Variants in PCLO observed in about 807,000 individuals in gnomAD.
PCLO encodes the protein piccolo presynaptic cytomatrix protein.
PCLO carries 82 observed loss-of-function variants against 427.5 expected under a neutral mutation model. That is an observed-to-expected ratio of 0.19 (90% CI 0.16 to 0.23). The LOEUF is 0.23. PCLO is among the 10% of genes least tolerant of loss of function. The pLI is 1.00. For missense variants in PCLO, 6,239 were observed against 6,115.9 expected (o/e 1.02, Z -0.67); for synonymous variants, 2,357 against 2,155.4 (o/e 1.09, Z -2.59).
chr7:83,004,713 G>T (rs1294190442), intron 3 of PCLO, among the ~76,000 whole-genome samples: 2 of 151,142 alleles, frequency 1.3e-5, no homozygotes, highest in African/African-American at 4.8e-5. Flanking sequence ...CCATAGCAAA[G>T]GAAACAATAA....
intron 3 of PCLO, among the ~76,000 whole-genome samples, chr7:83,080,419 G>A (rs982433783): frequency 3.9e-5 from 6 of 152,010 alleles, no homozygotes; most frequent in African/African-American, 9.7e-5. Context: ...CCATTCTGTC[G>A]TGAGATGGTA....
chr7:82,916,085 T>G lies in PCLO; in HGVS notation c.11901A>C (p.Thr3967=), dbSNP rs755184345. 2 of 1,613,568 alleles carry G rather than the reference T, an allele frequency of 1.2e-6. No individual in the cohort carries two copies. Among genetic ancestry groups the G allele is most frequent in the South Asian group, 2.2e-5 (2 of 91,078 alleles). The change falls in exon 7 of 25, where the codon ACA becomes ACC. Residue 3967 remains threonine (T), a synonymous_variant. Transcript: ENST00000333891. ...AGGTTATCTTGGGCTCCAAATATAATGTAGTTTGCCGTGGCTTCTGTTGTA... is the reference window on the plus strand; with the variant it reads ...AGGTTATCTTGGGCTCCAAATATAAGGTAGTTTGCCGTGGCTTCTGTTGTA... ...MVIQQKPRQT[T]LYLEPKITSN...
chr7:83,162,509 C>T lies in PCLO; in HGVS notation c.84G>A (p.Gly28=). Residue 28 remains glycine (G), a synonymous_variant, in exon 1 of 25, where the codon GGG becomes GGA. Transcript: ENST00000333891. ...TCGCGGTGTGAGAGGGGCTCCCCGC[C>T]CCGCTAGCTCCTCCTCCAGCCGCTG... ...AAAAAGGGAS[G]AGSPSHTAIP... is the part of the protein sequence containing the mutation. The T allele has an allele frequency of 1.3e-6, 2 of 1,562,386 alleles. No individual in the cohort carries two copies. Among genetic ancestry groups the T allele is most frequent in the Non-Finnish European group, 1.7e-6 (2 of 1,154,182 alleles).
intron 6 of PCLO, among the ~76,000 whole-genome samples, chr7:82,929,564 A>G (rs905677201): frequency 2.0e-5 from 3 of 152,200 alleles, no homozygotes; most frequent in Non-Finnish European, 4.4e-5. Flanking sequence ...TATCTGATAC[A>G]TAAGATCAAT....
At position 83,058,960 on chromosome 7, in the gene PCLO, C is replaced by T. The variant is rs577661630; in HGVS notation, c.3300+75290G>A. Among the ~76,000 whole-genome samples, 27 of 152,066 alleles carry T rather than the reference C, an allele frequency of 1.8e-4. No homozygotes were observed. The South Asian group carries it at 5.2e-3, about 29-fold the overall frequency. ...CCTTAATAAATGGCAGTCCTCTCCC[C>T]CCTCCTTAAAAGGAATGCAAACTAT... is the stretch of plus-strand genomic sequence containing the variant. On this transcript the variant is annotated intron_variant, in intron 3 of 24. Transcript: ENST00000333891.
At chr7:83,057,354 T>A (rs1168947734) in intron 3 of PCLO, among the ~76,000 whole-genome samples, 53 of 51,454 alleles carry the variant, frequency 1.0e-3, no homozygotes, top group African/African-American at 1.7e-3. Flanking sequence ...ATATATTTTT[T>A]TTTTTTTTTT....
intron 9 of PCLO, among the ~76,000 whole-genome samples, chr7:82,894,663 G>A (rs117983113): frequency 0.024 from 3,592 of 152,096 alleles, 70 homozygotes; most frequent in Non-Finnish European, 0.037. Flanking sequence ...TATCAAGTGG[G>A]AATCTTGGTC....
chr7:82,858,197 A>G (rs937346711), intron 10 of PCLO, among the ~76,000 whole-genome samples: 1 of 152,166 alleles, frequency 6.6e-6, no homozygotes, highest in African/African-American at 2.4e-5. Context: ...TACACATTAA[A>G]AAAATGAAGA....
At chr7:82,829,363 T>C (rs149076542) in intron 16 of PCLO, among the ~76,000 whole-genome samples, 12 of 152,244 alleles carry the variant, frequency 7.9e-5, no homozygotes, top group South Asian at 6.2e-4. Flanking sequence ...TAGTCTGGGA[T>C]GAGGCTTGAG....
At chr7:82,989,444 C>T (rs1338823786) in intron 3 of PCLO, among the ~76,000 whole-genome samples, 1 of 151,822 alleles carries the variant, frequency 6.6e-6, no homozygotes, top group Non-Finnish European at 1.5e-5. Flanking sequence ...ATATGAATTG[C>T]TTCTAATTCC....
intron 2 of PCLO, among the ~76,000 whole-genome samples, chr7:83,139,664 G>T (rs987535443): frequency 6.6e-6 from 1 of 152,082 alleles, no homozygotes; most frequent in Non-Finnish European, 1.5e-5. Context: ...TATACCCTTT[G>T]CTTGAACAGA....
At chr7:83,090,330 A>G (rs1425958229) in intron 3 of PCLO, among the ~76,000 whole-genome samples, 1 of 152,224 alleles carries the variant, frequency 6.6e-6, no homozygotes, top group Non-Finnish European at 1.5e-5. Context: ...ACATATAGCC[A>G]GAAATCCAAG....
chr7:82,804,822 A>G (rs928889480), intron 21 of PCLO, among the ~76,000 whole-genome samples: 1 of 152,180 alleles, frequency 6.6e-6, no homozygotes, highest in East Asian at 1.9e-4. Flanking sequence ...GAAAATGGAA[A>G]TGCCATTTTT....
At chr7:83,056,291 A>G (rs775565220) in intron 3 of PCLO, among the ~76,000 whole-genome samples, 6 of 152,178 alleles carry the variant, frequency 3.9e-5, no homozygotes, top group Non-Finnish European at 8.8e-5. Context: ...TACATAGTGG[A>G]CATGTTCTTA....
intron 3 of PCLO, among the ~76,000 whole-genome samples, chr7:83,121,045 A>T (rs1196847266): frequency 6.6e-6 from 1 of 152,160 alleles, no homozygotes; most frequent in South Asian, 2.1e-4. Context: ...GCACTTTGGG[A>T]GGCCGAGGTG....
chr7:83,064,974 C>A (rs1260175930), intron 3 of PCLO, among the ~76,000 whole-genome samples: 1 of 151,610 alleles, frequency 6.6e-6, no homozygotes, highest in Non-Finnish European at 1.5e-5. Flanking sequence ...CCCTTTCCAG[C>A]ATCTCAGACA....
At chr7:83,019,743 A>G (rs1028927977) in intron 3 of PCLO, among the ~76,000 whole-genome samples, 2 of 152,204 alleles carry the variant, frequency 1.3e-5, no homozygotes, top group African/African-American at 2.4e-5. Context: ...CTTTATCTCT[A>G]TGAAGCACTG....
intron 3 of PCLO, among the ~76,000 whole-genome samples, chr7:83,023,978 C>A (rs1176291609): frequency 2.0e-5 from 3 of 152,174 alleles, no homozygotes; most frequent in Non-Finnish European, 2.9e-5. Context: ...TTCCCAAGAG[C>A]TGACTCATCT....
intron 3 of PCLO, among the ~76,000 whole-genome samples, chr7:83,129,985 AATT>A (rs1314727375): frequency 6.6e-6 from 1 of 152,142 alleles, no homozygotes; most frequent in Non-Finnish European, 1.5e-5. Context: ...TTATCTTAAA[AATT>A]ATTGACTTAA....
Sources: allele counts gnomAD v4.1 joint callset (sites outside exome capture counted in the v4.1 genomes callset), GRCh38; gene constraint gnomAD v4.1.1; transcripts MANE v1.5; gene names NCBI Gene and HGNC (gene_info 2026-07-23, HGNC 2026-07-21).